The following MYH16 variants were observed in gnomAD, a reference collection of about 807,000 sequenced individuals.
The protein encoded by MYH16 is putative uncharacterized protein MYH16.
chr7:99,303,396 C>A (rs971234140), intron 39 of MYH16, among the ~76,000 whole-genome samples: 1 of 152,270 alleles, frequency 6.6e-6, no homozygotes, highest in Non-Finnish European at 1.5e-5. Flanking sequence ...GAAAGAATTA[C>A]AAGCTCTAGG....
intron 26 of MYH16, 42 bp downstream of exon 8, chr7:99,284,977 G>T (rs1178208248): frequency 2.2e-6 from 1 of 455,934 alleles, no homozygotes; most frequent in African/African-American, 2.0e-5. Flanking sequence ...TGTCAGAAAT[G>T]CACTTCTCTG....
chr7:99,286,234 T>C (rs191940883), intron 27 of MYH16, among the ~76,000 whole-genome samples: 9 of 152,218 alleles, frequency 5.9e-5, no homozygotes, highest in Admixed American at 5.9e-4. Context: ...TTGGGCAACA[T>C]GGTGAAACCC....
In MYH16 at chr7:99,297,631, T is replaced by A. The variant is rs545203028; in HGVS notation, n.4500-29T>A. 1.3e-4 allele frequency: 61 copies of A among 451,970 alleles called. 1 individual carries two copies. Among genetic ancestry groups the A allele is most frequent in the African/African-American group, 1.2e-3 (59 of 49,908 alleles). 28.0% of individuals were successfully genotyped at this position (451,970 alleles called of 1,614,324 possible). A position where few individuals can be genotyped will look rare whatever the true frequency, so the allele number is the denominator to read the frequency against. ...CCTGCCATGACCCTGGAATGCCGAGTCTTATTAACATGAATATTTCTATCT... is the reference window on the plus strand; with the variant it reads ...CCTGCCATGACCCTGGAATGCCGAGACTTATTAACATGAATATTTCTATCT... On this transcript the variant is annotated intron_variant and non_coding_transcript_variant, in intron 34 of 41. Transcript: ENST00000439784.
intron 25 of MYH16, among the ~76,000 whole-genome samples, chr7:99,284,478 A>G (rs1411913722): frequency 6.6e-6 from 1 of 152,182 alleles, no homozygotes; most frequent in Non-Finnish European, 1.5e-5. Flanking sequence ...GGCCCCAGCT[A>G]CTAGAGAGGC....
chr7:99,281,674 C>T (rs1377230902), intron 23 of MYH16, among the ~76,000 whole-genome samples: 3 of 152,160 alleles, frequency 2.0e-5, no homozygotes, highest in Non-Finnish European at 4.4e-5. Flanking sequence ...GTCCCGTGAG[C>T]TCAAAAGCCC....
chr7:99,301,758 A>AG (rs1792598184), exon 38 of MYH16: 1 of 152,926 alleles, frequency 6.5e-6, no homozygotes, highest in Non-Finnish European at 1.5e-5. Context: ...CTGTTGGAGC[A>AG]GGAAGTGGTG....
At chr7:99,290,554 C>T (rs113975910) in intron 30 of MYH16, among the ~76,000 whole-genome samples, 16,750 of 149,732 alleles carry the variant, frequency 0.11, 1,395 homozygotes, top group African/African-American at 0.24. Flanking sequence ...AATCCCAGCA[C>T]TTTGGGAGGC....
rs910280319 is a variant in MYH16 at position 99,283,666 on chromosome 7, T to G, written n.3079+15T>G. The stretch of plus-strand genomic sequence containing the variant: ...AGATCCATGAGGTAATACCCATTGC[T>G]GTGGCCACCTCTACAACTCCAAGGC... On this transcript the variant is annotated intron_variant and non_coding_transcript_variant, in intron 24 of 41. Transcript: ENST00000439784. 1 of 456,634 alleles carries G rather than the reference T, an allele frequency of 2.2e-6. No homozygotes were observed. The highest frequency in any genetic ancestry group is 1.5e-5 in the South Asian group (1 of 64,554). The allele number at this position is 456,634 out of a possible 1,614,324, so 28.3% of individuals were successfully genotyped here. A position where few individuals can be genotyped will look rare whatever the true frequency, so the allele number is the denominator to read the frequency against.
At chr7:99,285,411 A>G in exon 27 of MYH16, 1 of 456,768 alleles carries the variant, frequency 2.2e-6, no homozygotes. Flanking sequence ...AAGAAGAACT[A>G]GAAGCTGAGA....
downstream of MYH16, among the ~76,000 whole-genome samples, chr7:99,309,926 G>T (rs906861202): frequency 6.6e-6 from 1 of 152,076 alleles, no homozygotes; most frequent in African/African-American, 2.4e-5. Context: ...GGAGGTTGAG[G>T]CAGGAGAATT....
At chr7:99,307,645 G>A (rs1445415530), downstream of MYH16, among the ~76,000 whole-genome samples, 2 of 152,032 alleles carry the variant, frequency 1.3e-5, no homozygotes. Context: ...GATCCCTTGA[G>A]CCCAGGAGTC....
At chr7:99,273,374 A>T (rs28608208) in exon 20 of MYH16, 10 of 456,500 alleles carry the variant, frequency 2.2e-5, no homozygotes, top group South Asian at 1.4e-4. Context: ...CAGAACGTGC[A>T]CAAGTTCCTG....
chr7:99,268,521 G>T (rs1002630219), intron 18 of MYH16, among the ~76,000 whole-genome samples: 1 of 152,252 alleles, frequency 6.6e-6, no homozygotes, highest in Non-Finnish European at 1.5e-5. Context: ...CAAACAGACT[G>T]CATCTTGCTG....
intron 11 of MYH16, among the ~76,000 whole-genome samples, chr7:99,258,810 T>TAA (rs56367655): frequency 3.0e-4 from 44 of 147,182 alleles, no homozygotes; most frequent in South Asian, 6.4e-4. Flanking sequence ...AGCTCACCAC[T>TAA]AAAAAAAAAA....
downstream of MYH16, among the ~76,000 whole-genome samples, chr7:99,309,485 C>G (rs1792729252): frequency 6.6e-6 from 1 of 152,186 alleles, no homozygotes; most frequent in Admixed American, 6.5e-5. Flanking sequence ...TTCTCTAACC[C>G]TGAAATAATG....
chr7:99,286,088 G>T (rs2150823926), intron 27 of MYH16, among the ~76,000 whole-genome samples: 1 of 152,324 alleles, frequency 6.6e-6, no homozygotes, highest in African/African-American at 2.4e-5. Context: ...CTCTTTACTG[G>T]AGAAAAAGGA....
At chr7:99,256,535 A>T (rs1791875080) in intron 9 of MYH16, among the ~76,000 whole-genome samples, 1 of 152,148 alleles carries the variant, frequency 6.6e-6, no homozygotes, top group South Asian at 2.1e-4. Context: ...GCACTTTGGG[A>T]GGCCAAGGCA....
chr7:99,257,966 G>A (rs534797955), intron 10 of MYH16, among the ~76,000 whole-genome samples: 1 of 152,180 alleles, frequency 6.6e-6, no homozygotes, highest in Non-Finnish European at 1.5e-5. Context: ...CCTTGAGCAA[G>A]TGTAGAAACT....
chr7:99,263,650 A>G (rs1308605051), intron 14 of MYH16, among the ~76,000 whole-genome samples: 1 of 152,208 alleles, frequency 6.6e-6, no homozygotes, highest in African/African-American at 2.4e-5. Flanking sequence ...ACTGCAAAAG[A>G]GGCAAGCAGA....
Sources: allele counts gnomAD v4.1 joint callset (sites outside exome capture counted in the v4.1 genomes callset), GRCh38; gene constraint gnomAD v4.1.1; transcripts MANE v1.5; gene names NCBI Gene and HGNC (gene_info 2026-07-23, HGNC 2026-07-21).